NLGN1: variants seen among roughly 807,000 people sequenced by gnomAD.
NLGN1 encodes neuroligin-1.
In NLGN1, 12 loss-of-function variants were observed where a neutral mutation model predicts 65.5. The observed-to-expected ratio is 0.18, with a 90% CI of 0.12 to 0.30. The LOEUF (loss-of-function observed/expected upper bound fraction) is 0.30, where lower values mean the gene tolerates loss of function less well. NLGN1 is among the 10% of genes least tolerant of loss of function. The pLI, the probability that NLGN1 is intolerant of heterozygous loss-of-function variation, is 1.00. For missense variants in NLGN1, 750 were observed against 1,007.1 expected (o/e 0.74, Z 3.46); for synonymous variants, 350 against 359.5 (o/e 0.97, Z 0.30).
intron 3 of NLGN1, among the ~76,000 whole-genome samples, chr3:173,609,764 T>C (rs146668800): frequency 8.7e-4 from 132 of 151,978 alleles, no homozygotes; most frequent in Non-Finnish European, 1.6e-3. Flanking sequence ...AGTTTGTAAA[T>C]GATGAACACA....
chr3:173,963,927 G>C (rs190053273), intron 4 of NLGN1, among the ~76,000 whole-genome samples: 8 of 152,168 alleles, frequency 5.3e-5, no homozygotes, highest in Admixed American at 3.3e-4. Flanking sequence ...GGTGTGCAGA[G>C]ATTAAGAGGT....
At chr3:173,661,785 G>A (rs1378406160) in intron 3 of NLGN1, among the ~76,000 whole-genome samples, 9 of 152,016 alleles carry the variant, frequency 5.9e-5, no homozygotes, top group African/African-American at 1.9e-4. Flanking sequence ...AGCGAAAGTC[G>A]TTAGAATACC....
At chr3:173,605,766 T>C (rs954589540) in intron 3 of NLGN1, among the ~76,000 whole-genome samples, 173 bp downstream of exon 3, 1 of 152,046 alleles carries the variant, frequency 6.6e-6, no homozygotes, top group Non-Finnish European at 1.5e-5. Context: ...TCTAGCTGAG[T>C]AGATTACATT....
intron 4 of NLGN1, among the ~76,000 whole-genome samples, chr3:174,224,800 A>G (rs1190676236): frequency 2.6e-5 from 4 of 152,284 alleles, no homozygotes; most frequent in Admixed American, 6.5e-5. Flanking sequence ...CTAGGCTTTC[A>G]TCTTGAGATG....
chr3:174,166,809 CT>C (rs1262129432), intron 4 of NLGN1, among the ~76,000 whole-genome samples: 1 of 151,954 alleles, frequency 6.6e-6, no homozygotes, highest in Non-Finnish European at 1.5e-5. Context: ...TGTTGTGTTG[CT>C]GGTTAAGTTA....
Position 174,076,880 on chromosome 3 carries a change from G to A in NLGN1, c.647-198435G>A, listed in dbSNP as rs193286309. On this transcript the variant is annotated intron_variant, in intron 4 of 6. Coordinates refer to ENST00000457714, the Ensembl canonical transcript of NLGN1. Reference sequence around the variant, plus strand: ...TCTATGTGGCTGTTACTTTTAAAGGGTTAAAGAGTATCACCACTTGGTTAA... The same window carrying A: ...TCTATGTGGCTGTTACTTTTAAAGGATTAAAGAGTATCACCACTTGGTTAA... Among the ~76,000 whole-genome samples the A allele has an allele frequency of 6.0e-4, 91 of 152,144 alleles. 2 individuals are homozygous for A. The East Asian group carries it at 0.013, about 21-fold the overall frequency.
At chr3:173,527,421 G>A (rs546890378) in intron 2 of NLGN1, among the ~76,000 whole-genome samples, 13 of 151,328 alleles carry the variant, frequency 8.6e-5, no homozygotes, top group South Asian at 4.2e-4. Context: ...TTTTTGAGAC[G>A]GAGTCTCGCT....
At chr3:173,717,634 A>G (rs112767218) in intron 3 of NLGN1, among the ~76,000 whole-genome samples, 1 of 152,110 alleles carries the variant, frequency 6.6e-6, no homozygotes, top group Non-Finnish European at 1.5e-5. Context: ...TTGAATATCT[A>G]CTGTGTATGG....
chr3:174,039,143 T>C (rs865974825), intron 4 of NLGN1, among the ~76,000 whole-genome samples: 1 of 152,078 alleles, frequency 6.6e-6, no homozygotes, highest in Non-Finnish European at 1.5e-5. Flanking sequence ...GAGACTCCCT[T>C]AGGAGTCAGT....
At chr3:173,495,714 A>AT (rs1232562514) in intron 2 of NLGN1, among the ~76,000 whole-genome samples, 1 of 150,572 alleles carries the variant, frequency 6.6e-6, no homozygotes, top group East Asian at 1.9e-4. Flanking sequence ...TGAGGTATAA[A>AT]TTACAAACAG....
chr3:173,720,132 A>G (rs1770579681), intron 3 of NLGN1, among the ~76,000 whole-genome samples: 1 of 152,156 alleles, frequency 6.6e-6, no homozygotes, highest in Non-Finnish European at 1.5e-5. Context: ...TAAAAAAAAG[A>G]AAAAGAATTT....
chr3:173,444,884 A>T (rs1288991272), intron 2 of NLGN1, among the ~76,000 whole-genome samples: 2 of 152,098 alleles, frequency 1.3e-5, no homozygotes, highest in Non-Finnish European at 2.9e-5. Flanking sequence ...TACATTTTGT[A>T]GCCCTTTAAC....
intron 2 of NLGN1, among the ~76,000 whole-genome samples, chr3:173,471,958 A>G (rs1725384314): frequency 6.6e-6 from 1 of 152,288 alleles, no homozygotes; most frequent in Non-Finnish European, 1.5e-5. Flanking sequence ...AAGAAAGAAG[A>G]TAATGAATTC....
At chr3:173,836,751 A>G (rs1006748177) in intron 4 of NLGN1, among the ~76,000 whole-genome samples, 11 of 152,322 alleles carry the variant, frequency 7.2e-5, no homozygotes, top group African/African-American at 2.2e-4. Flanking sequence ...TCCATGTGGC[A>G]TAATCTTTCT....
intron 3 of NLGN1, among the ~76,000 whole-genome samples, chr3:173,750,600 T>G (rs1484846978): frequency 6.6e-6 from 1 of 152,120 alleles, no homozygotes; most frequent in Non-Finnish European, 1.5e-5. Flanking sequence ...CAAAATAATT[T>G]TATGTCTATT....
At chr3:173,949,602 A>G (rs989457493) in intron 4 of NLGN1, among the ~76,000 whole-genome samples, 1 of 152,298 alleles carries the variant, frequency 6.6e-6, no homozygotes, top group South Asian at 2.1e-4. Context: ...AATAATCTTC[A>G]GTTAGTAAAA....
At chr3:173,984,193 A>G (rs1306113350) in intron 4 of NLGN1, among the ~76,000 whole-genome samples, 2 of 152,214 alleles carry the variant, frequency 1.3e-5, no homozygotes, top group Admixed American at 6.5e-5. Context: ...ACAATGTGAA[A>G]GTTCGCTGAG....
chr3:173,579,884 C>G (rs1746112959), intron 2 of NLGN1, among the ~76,000 whole-genome samples: 1 of 152,016 alleles, frequency 6.6e-6, no homozygotes, highest in Non-Finnish European at 1.5e-5. Context: ...TTTCTCCAGA[C>G]TTGCTTTACA....
intron 2 of NLGN1, among the ~76,000 whole-genome samples, chr3:173,502,655 T>A (rs1412768973): frequency 6.6e-6 from 1 of 152,152 alleles, no homozygotes; most frequent in East Asian, 1.9e-4. Context: ...TTATATGAAA[T>A]TAGGTACTAC....
Sources: gnomAD v4.1 joint callset for allele counts (sites outside exome capture counted in the v4.1 genomes callset) on GRCh38, gnomAD v4.1.1 for gene constraint, MANE v1.5 for transcripts, NCBI Gene and HGNC (gene_info 2026-07-23, HGNC 2026-07-21) for gene names.